Variants in SUSD4 observed in about 807,000 individuals in gnomAD.
SUSD4 encodes sushi domain-containing protein 4.
A neutral mutation model predicts 50.5 loss-of-function variants in SUSD4; 41 were observed. That is an observed-to-expected ratio of 0.81 (90% CI 0.63 to 1.05). SUSD4 has a LOEUF of 1.05. Among genes scored for constraint, SUSD4 ranks in the 50% least tolerant of loss-of-function variants. The pLI is 0.00. For synonymous variants in SUSD4, 257 were observed against 257.3 expected (o/e 1.00, Z 0.01); for missense variants, 580 against 634.7 (o/e 0.91, Z 0.93).
intron 3 of SUSD4, among the ~76,000 whole-genome samples, chr1:223,281,871 A>G (rs1278938572): frequency 6.6e-6 from 1 of 152,208 alleles, no homozygotes; most frequent in Non-Finnish European, 1.5e-5. Flanking sequence ...CCAGCAGCAC[A>G]TCAAAAAGCT....
chr1:223,349,287 CTATGGA>C (rs1668218274), intron 2 of SUSD4, among the ~76,000 whole-genome samples: 1 of 152,150 alleles, frequency 6.6e-6, no homozygotes, highest in Non-Finnish European at 1.5e-5. Flanking sequence ...CCTCCAGTTA[CTATGGA>C]TATTAACTCA....
chr1:223,256,084 A>G (rs1661669555), intron 5 of SUSD4, among the ~76,000 whole-genome samples: 1 of 152,198 alleles, frequency 6.6e-6, no homozygotes, highest in South Asian at 2.1e-4. Flanking sequence ...AGAAATGGAA[A>G]TTCCCCCATT....
chr1:223,311,591 T>C (rs905489013), intron 2 of SUSD4, among the ~76,000 whole-genome samples: 1 of 152,206 alleles, frequency 6.6e-6, no homozygotes, highest in South Asian at 2.1e-4. Flanking sequence ...TGTTTGTGAA[T>C]AGCCAAATAT....
chr1:223,287,959 G>C (rs865937840), intron 3 of SUSD4, among the ~76,000 whole-genome samples: 1 of 152,202 alleles, frequency 6.6e-6, no homozygotes, highest in Non-Finnish European at 1.5e-5. Context: ...AAGAAGAAAA[G>C]AGAGTTGTCT....
chr1:223,268,789 G>T, intron 3 of SUSD4, 114 bp from the exon 4 acceptor site: 1 of 1,062,204 alleles, frequency 9.4e-7, no homozygotes, highest in Non-Finnish European at 1.3e-6. Flanking sequence ...ACAGCAATCT[G>T]ATAAATGGTA....
At position 223,229,167 on chromosome 1, in the gene SUSD4, C is replaced by G. The variant is rs371714134; in HGVS notation, c.916+30G>C. The G allele has an allele frequency of 6.4e-7, 1 of 1,574,656 alleles. No individual in the cohort carries two copies. The highest frequency in any genetic ancestry group is 1.7e-5 in the Admixed American group (1 of 59,064). ...TGCAGATGGTCCAAGGAGGGTCCAT[C>G]TCCTCCAAGGGTGAGGCCTTCAGTC... On this transcript the variant is annotated intron_variant, in intron 6 of 8. Transcript: ENST00000366878. This position sits in a 1 kb window ranked among gnomAD's most constrained non-coding sequence, Gnocchi z 4.7.
chr1:223,247,285 T>C (rs920051764), intron 5 of SUSD4, among the ~76,000 whole-genome samples: 1 of 152,124 alleles, frequency 6.6e-6, no homozygotes, highest in Non-Finnish European at 1.5e-5. Flanking sequence ...TGAAGAGAAA[T>C]GATAACTACT....
At chr1:223,266,323 T>C (rs1243481779) in intron 4 of SUSD4, among the ~76,000 whole-genome samples, 2 of 152,182 alleles carry the variant, frequency 1.3e-5, no homozygotes, top group Admixed American at 6.5e-5. Context: ...TATGTGTGTT[T>C]ATGTGGTGGG....
At chr1:223,291,731 G>T (rs925051761) in intron 3 of SUSD4, among the ~76,000 whole-genome samples, 7 of 152,262 alleles carry the variant, frequency 4.6e-5, no homozygotes, top group African/African-American at 1.7e-4. Flanking sequence ...TCCAACTTCA[G>T]CCCTGCTGGT....
intron 2 of SUSD4, among the ~76,000 whole-genome samples, chr1:223,327,661 C>T (rs915718987): frequency 1.3e-5 from 2 of 152,138 alleles, no homozygotes; most frequent in Non-Finnish European, 2.9e-5. Context: ...CCACTTCTGG[C>T]CCATAGGGAG....
rs368861491 is a variant in SUSD4 at position 223,253,822 on chromosome 1, G to C, written c.724+10808C>G. 9.9e-5 allele frequency among the ~76,000 whole-genome samples: 15 copies of C among 152,236 alleles called. 1 individual carries two copies. Among genetic ancestry groups the C allele is most frequent in the Admixed American group, 6.5e-4 (10 of 15,294 alleles). On this transcript the variant is annotated intron_variant, in intron 5 of 8. Coordinates refer to ENST00000366878, the MANE Select transcript of SUSD4 (RefSeq NM_017982.4). ...ACACTGAGAATCTCCCATTTGTACC[G>C]GTCATCTATTTTCTGAGCATAATGA...
chr1:223,364,733 C>A (rs1342542167), upstream of SUSD4, among the ~76,000 whole-genome samples: 2 of 151,498 alleles, frequency 1.3e-5, no homozygotes, highest in African/African-American at 4.8e-5. The surrounding 1 kb of genome is among the most constrained non-coding windows in gnomAD (Gnocchi z 4.5). Context: ...TGGCTGCAGA[C>A]CCGGGGCGAG....
chr1:223,319,672 A>G (rs1345936728), intron 2 of SUSD4, among the ~76,000 whole-genome samples: 10 of 152,226 alleles, frequency 6.6e-5, no homozygotes, highest in Non-Finnish European at 1.3e-4. Flanking sequence ...AGGAGGGAAT[A>G]CAGCGGCCCT....
At chr1:223,323,972 T>C (rs1206991206) in intron 2 of SUSD4, among the ~76,000 whole-genome samples, 2 of 151,852 alleles carry the variant, frequency 1.3e-5, no homozygotes, top group African/African-American at 4.8e-5. Flanking sequence ...TTATGGGAAA[T>C]ACATTTAAGG....
chr1:223,292,928 T>C (rs17518077), intron 2 of SUSD4, among the ~76,000 whole-genome samples: 42,641 of 152,044 alleles, frequency 0.28, 7,422 homozygotes, highest in Non-Finnish European at 0.4. Flanking sequence ...GGATTTCACA[T>C]GACAAGTGCC....
intron 2 of SUSD4, among the ~76,000 whole-genome samples, chr1:223,319,232 A>T (rs1234833071): frequency 8.6e-6 from 1 of 116,240 alleles, no homozygotes. Flanking sequence ...ACCATTCAGG[A>T]CATAGGCGTG....
chr1:223,291,800 T>C (rs1313073754), intron 3 of SUSD4, among the ~76,000 whole-genome samples: 2 of 152,196 alleles, frequency 1.3e-5, no homozygotes, highest in African/African-American at 4.8e-5. Context: ...CATGCATTTT[T>C]AAAAAGTCTG....
chr1:223,313,534 C>T (rs913255701), intron 2 of SUSD4, among the ~76,000 whole-genome samples: 6 of 152,018 alleles, frequency 3.9e-5, no homozygotes, highest in African/African-American at 1.4e-4. Flanking sequence ...AATTATGAAA[C>T]CTGAGGGGGT....
chr1:223,289,186 C>A, intron 3 of SUSD4: 2 of 985,424 alleles, frequency 2.0e-6, no homozygotes, highest in Non-Finnish European at 2.4e-6. Context: ...AGGGTCTCCT[C>A]TCCACCATAT....
Sources: allele counts gnomAD v4.1 joint callset (sites outside exome capture counted in the v4.1 genomes callset), GRCh38; gene constraint gnomAD v4.1.1; non-coding constraint Gnocchi (gnomAD v3.1); transcripts MANE v1.5; gene names NCBI Gene and HGNC (gene_info 2026-07-23, HGNC 2026-07-21).